PABPC4L: variants seen among roughly 807,000 people sequenced by gnomAD.
PABPC4L encodes the protein poly(A) binding protein cytoplasmic 4 like.
For missense variants in PABPC4L, 452 were observed against 451.4 expected (o/e 1.00, Z -0.01); for synonymous variants, 169 against 164.1 (o/e 1.03, Z -0.23).
the PABPC4L span, among the ~76,000 whole-genome samples, chr4:134,029,563 G>T: frequency 6.6e-6 from 1 of 152,036 alleles, no homozygotes; most frequent in East Asian, 1.9e-4. Context: ...TGTTTGCTTA[G>T]CTAGATATAC....
At chr4:134,005,014 A>T in the PABPC4L span, among the ~76,000 whole-genome samples, 1 of 151,868 alleles carries the variant, frequency 6.6e-6, no homozygotes, top group Non-Finnish European at 1.5e-5. Flanking sequence ...TTTCAATTAG[A>T]CAAGAGAAAT....
At chr4:134,081,193 A>G in the PABPC4L span, among the ~76,000 whole-genome samples, 1 of 152,178 alleles carries the variant, frequency 6.6e-6, no homozygotes, top group Admixed American at 6.5e-5. Context: ...TTAAAACTCA[A>G]TCAACTAGAT....
chr4:134,068,859 C>T, the PABPC4L span, among the ~76,000 whole-genome samples: 1 of 151,992 alleles, frequency 6.6e-6, no homozygotes, highest in African/African-American at 2.4e-5. Context: ...CAGGGATGCA[C>T]CACCACTCCT....
the PABPC4L span, among the ~76,000 whole-genome samples, chr4:134,128,384 A>G: frequency 3.3e-5 from 5 of 152,188 alleles, no homozygotes; most frequent in African/African-American, 9.6e-5. Context: ...AGTCAAGACA[A>G]AGGAAAGAAT....
At chr4:133,967,607 A>G in the PABPC4L span, among the ~76,000 whole-genome samples, 1 of 152,218 alleles carries the variant, frequency 6.6e-6, no homozygotes, top group African/African-American at 2.4e-5. Flanking sequence ...ACACTGAACA[A>G]GAATTGCTAG....
At chr4:134,131,474 T>C in the PABPC4L span, among the ~76,000 whole-genome samples, 2 of 151,592 alleles carry the variant, frequency 1.3e-5, no homozygotes, top group Non-Finnish European at 1.5e-5. Flanking sequence ...ATAAAATACT[T>C]AGGAATATAC....
the PABPC4L span, among the ~76,000 whole-genome samples, chr4:134,174,555 A>G: frequency 6.6e-6 from 1 of 152,114 alleles, no homozygotes; most frequent in Non-Finnish European, 1.5e-5. Context: ...GCTTTATTAG[A>G]ATCTTATGGG....
At chr4:133,990,262 T>C in the PABPC4L span, among the ~76,000 whole-genome samples, 2 of 152,238 alleles carry the variant, frequency 1.3e-5, no homozygotes, top group Non-Finnish European at 2.9e-5. Flanking sequence ...TTCATGTCTC[T>C]GTATCACATT....
the PABPC4L span, among the ~76,000 whole-genome samples, chr4:134,144,409 C>G: frequency 6.6e-6 from 1 of 151,354 alleles, no homozygotes; most frequent in African/African-American, 2.4e-5. Context: ...ACCATCAAAC[C>G]AATCCATTTT....
At chr4:134,193,198 C>A (rs574662692), downstream of PABPC4L, among the ~76,000 whole-genome samples, 1 of 152,022 alleles carries the variant, frequency 6.6e-6, no homozygotes, top group African/African-American at 2.4e-5. Flanking sequence ...CTGAATATTC[C>A]TCCCTATCCC....
chr4:134,096,573 C>A, the PABPC4L span, among the ~76,000 whole-genome samples: 1 of 151,754 alleles, frequency 6.6e-6, no homozygotes, highest in Non-Finnish European at 1.5e-5. Flanking sequence ...TGGCTTAAGT[C>A]AGGAAATTAG....
At chr4:134,165,403 C>A in the PABPC4L span, among the ~76,000 whole-genome samples, 1 of 151,958 alleles carries the variant, frequency 6.6e-6, no homozygotes, top group South Asian at 2.1e-4. Context: ...GGTCTAGTAT[C>A]CAGGGTTTAT....
chr4:134,176,577 A>G, the PABPC4L span, among the ~76,000 whole-genome samples: 1 of 152,274 alleles, frequency 6.6e-6, no homozygotes. Flanking sequence ...GAAGCAGCAC[A>G]TGTGTGCCTC....
the PABPC4L span, among the ~76,000 whole-genome samples, chr4:134,017,899 C>A: frequency 6.6e-6 from 1 of 151,992 alleles, no homozygotes; most frequent in Non-Finnish European, 1.5e-5. Context: ...CCATACCACC[C>A]CCCAAAATTT....
chr4:134,067,189 T>A, the PABPC4L span, among the ~76,000 whole-genome samples: 1 of 152,118 alleles, frequency 6.6e-6, no homozygotes, highest in African/African-American at 2.4e-5. Context: ...GTAGGTTTTT[T>A]ACTACTTATT....
At chr4:134,113,944 T>C in the PABPC4L span, among the ~76,000 whole-genome samples, 1 of 151,882 alleles carries the variant, frequency 6.6e-6, no homozygotes, top group Non-Finnish European at 1.5e-5. Context: ...TACTCAACCT[T>C]TTGCTGTGTG....
At chr4:133,965,789 C>A in the PABPC4L span, among the ~76,000 whole-genome samples, 4 of 152,138 alleles carry the variant, frequency 2.6e-5, no homozygotes, top group East Asian at 7.7e-4. Flanking sequence ...TGAAACTGGA[C>A]CTTCATCTCT....
chr4:133,995,512 G>T, the PABPC4L span, among the ~76,000 whole-genome samples: 2 of 152,240 alleles, frequency 1.3e-5, no homozygotes, highest in East Asian at 3.9e-4. Flanking sequence ...AGCGGCCTGG[G>T]TATGACTAAT....
the PABPC4L span, among the ~76,000 whole-genome samples, chr4:134,155,092 C>T: frequency 1.3e-5 from 2 of 151,888 alleles, no homozygotes; most frequent in Non-Finnish European, 2.9e-5. Flanking sequence ...AATGGTATTG[C>T]CAGAGGTGAC....
Sources: gnomAD v4.1 joint callset for allele counts (sites outside exome capture counted in the v4.1 genomes callset) on GRCh38, gnomAD v4.1.1 for gene constraint, MANE v1.5 for transcripts, NCBI Gene and HGNC (gene_info 2026-07-23, HGNC 2026-07-21) for gene names.